Variants in LRMDA observed in about 807,000 individuals in gnomAD.
LRMDA encodes the protein leucine rich melanocyte differentiation associated.
Under a neutral mutation model 29.8 loss-of-function variants are expected in LRMDA, and 18 were observed. The ratio of observed to expected loss-of-function variants is 0.60; its 90% confidence interval spans 0.42 to 0.90. LRMDA has a LOEUF of 0.90. LRMDA is among the 40% of genes least tolerant of loss of function. LRMDA has a pLI of 0.00. For missense variants in LRMDA, 273 were observed against 273.9 expected (o/e 1.00, Z 0.02); for synonymous variants, 125 against 109.4 (o/e 1.14, Z -0.89).
intron 6 of LRMDA, among the ~76,000 whole-genome samples, chr10:76,369,964 A>G (rs969233756): frequency 6.6e-6 from 1 of 152,134 alleles, no homozygotes; most frequent in Non-Finnish European, 1.5e-5. Context: ...GTAGACAAAT[A>G]ACAGTATCTG....
At chr10:76,504,215 T>C (rs1437526118) in intron 6 of LRMDA, among the ~76,000 whole-genome samples, 1 of 152,028 alleles carries the variant, frequency 6.6e-6, no homozygotes, top group African/African-American at 2.4e-5. Context: ...ATATCAACTT[T>C]TTTGAATTTA....
At chr10:75,931,846 A>G (rs751554291) in intron 2 of LRMDA, among the ~76,000 whole-genome samples, 1 of 152,082 alleles carries the variant, frequency 6.6e-6, no homozygotes, top group Non-Finnish European at 1.5e-5. Context: ...AATGTTACTG[A>G]TTTAGGAGCC....
At chr10:75,434,467 GAAAC>G (rs1844243035) in intron 1 of LRMDA, among the ~76,000 whole-genome samples, 1 of 152,152 alleles carries the variant, frequency 6.6e-6, no homozygotes, top group Non-Finnish European at 1.5e-5. Flanking sequence ...TGCAGAAGAG[GAAAC>G]AGACTCGAAG....
At chr10:75,989,870 C>T (rs1847335260) in intron 2 of LRMDA, among the ~76,000 whole-genome samples, 1 of 152,134 alleles carries the variant, frequency 6.6e-6, no homozygotes, top group African/African-American at 2.4e-5. Context: ...AATTCTAGGG[C>T]AGCTGCAGGT....
At chr10:75,533,674 T>C (rs902920747) in intron 2 of LRMDA, among the ~76,000 whole-genome samples, 2 of 152,208 alleles carry the variant, frequency 1.3e-5, no homozygotes, top group Non-Finnish European at 2.9e-5. Flanking sequence ...GCTTATTCTC[T>C]GGTGTCTTGT....
chr10:75,816,076 A>G (rs532891414), intron 2 of LRMDA, among the ~76,000 whole-genome samples: 13 of 152,330 alleles, frequency 8.5e-5, no homozygotes, highest in African/African-American at 2.4e-4. Context: ...CTTTCATGTG[A>G]CATCATTGGA....
At chr10:76,251,900 A>G (rs1253144161) in intron 5 of LRMDA, among the ~76,000 whole-genome samples, 1 of 152,200 alleles carries the variant, frequency 6.6e-6, no homozygotes, top group Non-Finnish European at 1.5e-5. Context: ...ATACTGCCAC[A>G]TTGATAGGGA....
intron 5 of LRMDA, among the ~76,000 whole-genome samples, chr10:76,240,179 TACAC>T (rs375626127): frequency 1.3e-5 from 2 of 148,564 alleles, no homozygotes; most frequent in Non-Finnish European, 3.0e-5. Context: ...CAAAATCGCA[TACAC>T]ACACACACAC....
At chr10:75,691,121 TATACA>T (rs1268955437) in intron 2 of LRMDA, among the ~76,000 whole-genome samples, 1 of 87,582 alleles carries the variant, frequency 1.1e-5, no homozygotes, top group Admixed American at 1.0e-4. Context: ...TATATATCTA[TATACA>T]TAGATATATA....
At position 75,730,938 on chromosome 10, in the gene LRMDA, G is replaced by A. The variant is rs574093689; in HGVS notation, c.131+292444G>A. Among the ~76,000 whole-genome samples the A allele has an allele frequency of 1.6e-4, 25 of 152,304 alleles. No individual in the cohort carries two copies. In the South Asian group the frequency reaches 4.2e-3, roughly 25 times the overall value. ...TACTTTTTAGCAGTTATTTTTGAGA[G>A]AGTGATTTATTTACACTGACAGCTT... On this transcript the variant is annotated intron_variant, in intron 2 of 6. Transcript: ENST00000611255.
intron 5 of LRMDA, among the ~76,000 whole-genome samples, chr10:76,248,210 A>C (rs1370887843): frequency 6.6e-6 from 1 of 152,184 alleles, no homozygotes; most frequent in Admixed American, 6.5e-5. Context: ...TGCTACTGGC[A>C]TGTAGTAGAT....
At chr10:76,040,762 C>A (rs1176365596) in intron 3 of LRMDA, among the ~76,000 whole-genome samples, 1 of 152,244 alleles carries the variant, frequency 6.6e-6, no homozygotes, top group African/African-American at 2.4e-5. Flanking sequence ...GATTCTCCCC[C>A]ACTTTCCTTT....
chr10:75,786,867 A>G (rs1018161412), intron 2 of LRMDA, among the ~76,000 whole-genome samples: 2 of 152,230 alleles, frequency 1.3e-5, no homozygotes, highest in Non-Finnish European at 2.9e-5. Flanking sequence ...CACAAGTTGT[A>G]CTAAAAGCCT....
intron 6 of LRMDA, among the ~76,000 whole-genome samples, chr10:76,484,866 G>C (rs1321811197): frequency 1.3e-5 from 2 of 151,622 alleles, no homozygotes; most frequent in Non-Finnish European, 3.0e-5. Flanking sequence ...CACTTTCTCG[G>C]AGAATTCACT....
intron 2 of LRMDA, among the ~76,000 whole-genome samples, chr10:75,565,682 T>C (rs749896625): frequency 1.3e-5 from 2 of 152,124 alleles, no homozygotes; most frequent in Non-Finnish European, 2.9e-5. Flanking sequence ...AATAAAGTCA[T>C]GGAAAGGTAT....
intron 6 of LRMDA, among the ~76,000 whole-genome samples, chr10:76,501,213 T>TGG (rs1315526931): frequency 7.0e-6 from 1 of 143,552 alleles, no homozygotes; most frequent in African/African-American, 2.5e-5. Flanking sequence ...TTTCATTATT[T>TGG]GTATAGCTGT....
intron 2 of LRMDA, among the ~76,000 whole-genome samples, chr10:75,954,357 G>A (rs537997533): frequency 6.6e-5 from 10 of 152,300 alleles, no homozygotes; most frequent in South Asian, 2.1e-4. Flanking sequence ...GCCCCCCACC[G>A]TAAGCTCATA....
intron 5 of LRMDA, among the ~76,000 whole-genome samples, chr10:76,202,461 TCTC>T (rs1851450926): frequency 6.6e-6 from 1 of 152,176 alleles, no homozygotes; most frequent in Non-Finnish European, 1.5e-5. Flanking sequence ...GCATGTAACT[TCTC>T]CTTGTCAGGT....
At chr10:76,382,633 T>C (rs1841606661) in intron 6 of LRMDA, among the ~76,000 whole-genome samples, 1 of 152,240 alleles carries the variant, frequency 6.6e-6, no homozygotes, top group African/African-American at 2.4e-5. Flanking sequence ...CTTTTGGCCA[T>C]TAATCTGCAA....
Sources: gnomAD v4.1 joint callset for allele counts (sites outside exome capture counted in the v4.1 genomes callset) on GRCh38, gnomAD v4.1.1 for gene constraint, MANE v1.5 for transcripts, NCBI Gene and HGNC (gene_info 2026-07-23, HGNC 2026-07-21) for gene names.